BCL7A: variants seen among roughly 807,000 people sequenced by gnomAD.
BCL7A encodes B-cell CLL/lymphoma 7 protein family member A.
In BCL7A, 11 loss-of-function variants were observed where a neutral mutation model predicts 28.4. The observed-to-expected ratio is 0.39, with a 90% CI of 0.24 to 0.64. The LOEUF is 0.64. BCL7A is among the 30% of genes least tolerant of loss of function. The pLI, the probability that BCL7A is intolerant of heterozygous loss-of-function variation, is 0.50. For missense variants in BCL7A, 222 were observed against 274.8 expected, an observed-to-expected ratio of 0.81 and a Z score of 1.36; for synonymous variants, 123 against 103.3, an observed-to-expected ratio of 1.19 and a Z score of -1.15.
intron 3 of BCL7A, among the ~76,000 whole-genome samples, chr12:122,035,970 AGC>A (rs1403760417): frequency 6.6e-6 from 1 of 152,222 alleles, no homozygotes; most frequent in Admixed American, 6.5e-5. Flanking sequence ...CCTCCCAAGC[AGC>A]TGGGATTACA....
chr12:122,054,440 T>C (rs1220375962), intron 4 of BCL7A, among the ~76,000 whole-genome samples: 1 of 152,230 alleles, frequency 6.6e-6, no homozygotes, highest in Non-Finnish European at 1.5e-5. Flanking sequence ...CGAAGCCACC[T>C]TGGCTGCGGG....
At chr12:122,025,105 G>C (rs533417487) in intron 1 of BCL7A, among the ~76,000 whole-genome samples, 1 of 152,266 alleles carries the variant, frequency 6.6e-6, no homozygotes, top group African/African-American at 2.4e-5. Context: ...AAAATGGTGG[G>C]CCTCTTTTTG....
intron 2 of BCL7A, among the ~76,000 whole-genome samples, chr12:122,033,898 C>G (rs1172894547): frequency 6.6e-6 from 1 of 152,124 alleles, no homozygotes; most frequent in Non-Finnish European, 1.5e-5. Flanking sequence ...CTCGCCTGCC[C>G]CGGTAACCAC....
chr12:122,028,004 A>C (rs966857036), intron 1 of BCL7A, among the ~76,000 whole-genome samples: 2 of 152,194 alleles, frequency 1.3e-5, no homozygotes, highest in East Asian at 3.9e-4. Context: ...CCGTGTGCCC[A>C]CCCAGTGTGT....
chr12:122,043,313 G>A (rs1465439575), intron 3 of BCL7A, among the ~76,000 whole-genome samples: 1 of 151,536 alleles, frequency 6.6e-6, no homozygotes, highest in African/African-American at 2.4e-5. Context: ...GCCTCCAGAC[G>A]CAGGGTACAG....
At chr12:122,023,313 T>G (rs548791557) in intron 1 of BCL7A, among the ~76,000 whole-genome samples, 1 of 152,302 alleles carries the variant, frequency 6.6e-6, no homozygotes, top group East Asian at 1.9e-4. Flanking sequence ...GCTCTGAGTG[T>G]CAGCGCCCGC....
chr12:122,024,100 G>A lies in BCL7A; in HGVS notation c.92+1917G>A, dbSNP rs183531014. ...GGGCCCCGGGGCGGCCGGCCTGGAG[G>A]CCTTCCAGCCCGCTGACCCCGCGGG... On this transcript the variant is annotated intron_variant, in intron 1 of 5. Transcript: ENST00000261822. Among the ~76,000 whole-genome samples the A allele has an allele frequency of 3.9e-5, 6 of 152,276 alleles. No individual in the cohort carries two copies. The East Asian group carries it at 1.2e-3, about 29-fold the overall frequency.
At chr12:122,023,573 G>GCCGGATGC (rs1245933252) in intron 1 of BCL7A, among the ~76,000 whole-genome samples, 1 of 152,208 alleles carries the variant, frequency 6.6e-6, no homozygotes, top group Admixed American at 6.5e-5. Context: ...GGCTGCGATG[G>GCCGGATGC]CCGGATGCCC....
intron 4 of BCL7A, among the ~76,000 whole-genome samples, chr12:122,052,883 G>C (rs1332392189): frequency 4.1e-5 from 3 of 73,454 alleles, no homozygotes; most frequent in Admixed American, 1.8e-4. Context: ...GGGGGGGGGG[G>C]TTTGCCATGT....
chr12:122,024,411 T>C (rs2135836170), intron 1 of BCL7A, among the ~76,000 whole-genome samples: 1 of 151,970 alleles, frequency 6.6e-6, no homozygotes, highest in East Asian at 1.9e-4. Context: ...TTGCTCAGTG[T>C]TGTCTGTGTT....
chr12:122,042,410 T>G (rs376989510), intron 3 of BCL7A, among the ~76,000 whole-genome samples: 6 of 152,038 alleles, frequency 3.9e-5, no homozygotes, highest in African/African-American at 1.4e-4. Context: ...ATCCCAGCAC[T>G]TTGGTAGGCT....
At chr12:122,049,055 CATAT>C (rs58111899) in intron 4 of BCL7A, among the ~76,000 whole-genome samples, 637 of 36,792 alleles carry the variant, frequency 0.017, 3 homozygotes, top group African/African-American at 0.05. Flanking sequence ...TATATATATA[CATAT>C]ACACACACAC....
At chr12:122,024,265 C>T (rs552022958) in intron 1 of BCL7A, among the ~76,000 whole-genome samples, 1 of 152,304 alleles carries the variant, frequency 6.6e-6, no homozygotes, top group East Asian at 1.9e-4. Flanking sequence ...TTGCCGCGAC[C>T]TTGGGCATAT....
chr12:122,022,502 G>A (rs1004841151), intron 1 of BCL7A, among the ~76,000 whole-genome samples: 6 of 145,756 alleles, frequency 4.1e-5, no homozygotes, highest in Non-Finnish European at 9.2e-5. Context: ...CTCCCGGGAG[G>A]GGGGCTCGGG....
chr12:122,030,819 C>G, intron 2 of BCL7A, 38 bp downstream of exon 2: 2 of 1,581,406 alleles, frequency 1.3e-6, no homozygotes, highest in Non-Finnish European at 1.7e-6. Context: ...GTGGGCCACC[C>G]ATTCGTGCTC....
At chr12:122,025,550 C>T (rs1241075011) in intron 1 of BCL7A, among the ~76,000 whole-genome samples, 2 of 151,692 alleles carry the variant, frequency 1.3e-5, no homozygotes, top group Admixed American at 6.6e-5. Flanking sequence ...TGGCGGGAAC[C>T]CAGGAGGTGG....
chr12:122,059,280 GT>G lies in BCL7A; in HGVS notation c.*120del. On this transcript the variant is annotated 3_prime_UTR_variant, in exon 6 of 6. Coordinates refer to ENST00000261822, the MANE Select transcript of BCL7A (RefSeq NM_001024808.3). The surrounding 1 kb of genome is among the most constrained non-coding windows in gnomAD (Gnocchi z 4.0). Reference sequence around the variant, plus strand: ...GCGAACAGAACTACTAACGTTTCAAGTTTACCAAGTGCAAATCCAAGAAGAC... The same window carrying G: ...GCGAACAGAACTACTAACGTTTCAAGTTACCAAGTGCAAATCCAAGAAGAC... The G allele has an allele frequency of 1.1e-6, 1 of 938,156 alleles. No individual in the cohort carries two copies. The allele number at this position is 938,156 out of a possible 1,614,324, so 58.1% of individuals were successfully genotyped here.
At chr12:122,055,627 T>G (rs1469368128) in intron 5 of BCL7A, among the ~76,000 whole-genome samples, 2 of 152,096 alleles carry the variant, frequency 1.3e-5, no homozygotes, top group Non-Finnish European at 2.9e-5. Flanking sequence ...CTCTAGACTT[T>G]TTTTCCTTCG....
chr12:122,047,534 A>C (rs1264492342), intron 4 of BCL7A, among the ~76,000 whole-genome samples: 1 of 151,758 alleles, frequency 6.6e-6, no homozygotes, highest in Non-Finnish European at 1.5e-5. Context: ...AGAAAAAAAA[A>C]AAGAAAAAAA....
Sources: allele counts gnomAD v4.1 joint callset (sites outside exome capture counted in the v4.1 genomes callset), GRCh38; gene constraint gnomAD v4.1.1; non-coding constraint Gnocchi (gnomAD v3.1); transcripts MANE v1.5; gene names NCBI Gene and HGNC (gene_info 2026-07-23, HGNC 2026-07-21).